The following LAMA4 variants were observed in gnomAD, a reference collection of about 807,000 sequenced individuals.
LAMA4 encodes laminin subunit alpha-4.
Under a neutral mutation model 207.1 loss-of-function variants are expected in LAMA4, and 127 were observed. That is an observed-to-expected ratio of 0.61 (90% CI 0.53 to 0.71). The LOEUF (loss-of-function observed/expected upper bound fraction) is 0.71, where lower values mean the gene tolerates loss of function less well. Among genes scored for constraint, LAMA4 ranks in the 30% least tolerant of loss-of-function variants. The pLI is 0.00. For missense variants in LAMA4, 2,093 were observed against 2,246.5 expected (o/e 0.93, Z 1.38); for synonymous variants, 761 against 816.0 (o/e 0.93, Z 1.15).
At chr6:112,120,572 G>T (rs1778294443) in intron 32 of LAMA4, 100 bp from the exon 33 acceptor site, 1 of 907,834 alleles carries the variant, frequency 1.1e-6, no homozygotes, top group South Asian at 1.4e-5. Context: ...TAAACAAGTA[G>T]CCATTCTATC....
intron 14 of LAMA4, 115 bp downstream of exon 14, chr6:112,158,617 C>T: frequency 3.7e-6 from 4 of 1,093,392 alleles, no homozygotes; most frequent in Non-Finnish European, 5.5e-6. Context: ...ATAAGCATAC[C>T]CAACCTTAAT....
chr6:112,181,328 G>A (rs940646322), intron 9 of LAMA4, among the ~76,000 whole-genome samples: 3 of 152,138 alleles, frequency 2.0e-5, no homozygotes, highest in African/African-American at 7.2e-5. Flanking sequence ...TCATTGTTCT[G>A]GGTAAATACC....
chr6:112,224,978 G>A (rs1164578966), intron 2 of LAMA4, among the ~76,000 whole-genome samples: 1 of 149,508 alleles, frequency 6.7e-6, no homozygotes, highest in African/African-American at 2.5e-5. Flanking sequence ...GGCAGGGGAC[G>A]GGGAAGGGGC....
intron 2 of LAMA4, among the ~76,000 whole-genome samples, chr6:112,238,915 C>T (rs1041678054): frequency 6.6e-6 from 1 of 152,148 alleles, no homozygotes; most frequent in African/African-American, 2.4e-5. Flanking sequence ...CATTTCACTT[C>T]GTAGGTGTGA....
intron 2 of LAMA4, among the ~76,000 whole-genome samples, chr6:112,246,931 A>G (rs782808471): frequency 1.3e-5 from 2 of 152,266 alleles, no homozygotes; most frequent in Non-Finnish European, 2.9e-5. Context: ...AAAAGACACA[A>G]TGATTATAAA....
chr6:112,202,058 C>T (rs1216415831), intron 4 of LAMA4, among the ~76,000 whole-genome samples: 3 of 151,926 alleles, frequency 2.0e-5, no homozygotes, highest in Non-Finnish European at 4.4e-5. Context: ...CCCTTTTTTT[C>T]TGCACTAGAA....
At chr6:112,180,361 C>G (rs1554345022) in intron 9 of LAMA4, among the ~76,000 whole-genome samples, 1 of 152,058 alleles carries the variant, frequency 6.6e-6, no homozygotes, top group African/African-American at 2.4e-5. Flanking sequence ...GGATCAGTGG[C>G]AAAGAGGAAC....
chr6:112,136,708 A>AAG (rs3073791), intron 24 of LAMA4, among the ~76,000 whole-genome samples: 1 of 150,170 alleles, frequency 6.7e-6, no homozygotes, highest in East Asian at 2.0e-4. Flanking sequence ...AAAAAAAAAA[A>AAG]GTGACAACTA....
intron 5 of LAMA4, among the ~76,000 whole-genome samples, chr6:112,196,024 AT>A (rs1259334639): frequency 2.0e-5 from 3 of 151,634 alleles, no homozygotes; most frequent in East Asian, 3.9e-4. Context: ...TTGGGCAAGG[AT>A]TTTTTTCCCT....
At chr6:112,190,760 A>G (rs1554348304) in intron 6 of LAMA4, among the ~76,000 whole-genome samples, 1 of 152,190 alleles carries the variant, frequency 6.6e-6, no homozygotes, top group African/African-American at 2.4e-5. Context: ...ATTAAATGGT[A>G]CCCTTGACTT....
intron 10 of LAMA4, 122 bp from the exon 11 acceptor site, chr6:112,175,602 T>A: frequency 1.0e-6 from 1 of 962,898 alleles, no homozygotes; most frequent in African/African-American, 1.6e-5. Context: ...GAGAGACTCA[T>A]TCAAAAGCAG....
At chr6:112,143,883 TG>T (rs1159661700) in intron 19 of LAMA4, among the ~76,000 whole-genome samples, 3 of 152,200 alleles carry the variant, frequency 2.0e-5, no homozygotes, top group Non-Finnish European at 4.4e-5. Context: ...AAATGTTCAC[TG>T]GGGCATCTAA....
At chr6:112,154,312 G>C (rs2114772710) in intron 16 of LAMA4, among the ~76,000 whole-genome samples, 1 of 142,788 alleles carries the variant, frequency 7.0e-6, no homozygotes, top group South Asian at 2.2e-4. Context: ...CCATATGCTT[G>C]TTAGGTCTGT....
rs1316252075 is a variant in LAMA4 at position 112,115,958 on chromosome 6, C to T, written c.5017G>A (p.Ala1673Thr). 2.5e-6 allele frequency: 4 copies of T among 1,613,308 alleles called. No individual in the cohort carries two copies. The highest frequency in any genetic ancestry group is 3.4e-6 in the Non-Finnish European group (4 of 1,179,396). ...CTGCTTCTGGGACGGACTTCAAATG[C>T]AATTTCAAACTTCAATCCAATATTG... ...SFNIGLKFEI[A>T]FEVRPRSSSG... Residue 1673 changes from alanine to threonine, a missense_variant, in exon 36 of 39, where the codon GCA becomes ACA. Transcript: ENST00000230538.
In LAMA4 at chr6:112,208,865, A is replaced by G. The variant is rs182158394; in HGVS notation, c.298-1720T>C. ...CAAAGTAGAATTTAGGGGCTAGTTC[A>G]GATTGCCTGACAGATCAATGAGAAA... is the stretch of plus-strand genomic sequence containing the variant. On this transcript the variant is annotated intron_variant, in intron 3 of 38. Coordinates refer to ENST00000230538, the MANE Select transcript of LAMA4 (RefSeq NM_001105206.3). Among the ~76,000 whole-genome samples the G allele has an allele frequency of 2.1e-3, 321 of 152,348 alleles. 1 individual carries two copies. The highest frequency in any genetic ancestry group is 3.7e-3 in the Non-Finnish European group (254 of 68,022).
At chr6:112,247,837 C>A (rs782405053) in intron 2 of LAMA4, among the ~76,000 whole-genome samples, 5 of 152,086 alleles carry the variant, frequency 3.3e-5, no homozygotes, top group Non-Finnish European at 4.4e-5. Flanking sequence ...AGAAACGACC[C>A]AAATGTCCAT....
At position 112,130,299 on chromosome 6, in the gene LAMA4, T is replaced by TG. The variant is rs60267503; in HGVS notation, c.3969-260_3969-259insC. Reference sequence around the variant, plus strand: ...CAGATGACTAGTCATCAGCATTATTTTTGTGTGTGTGTGTGTGTGTGTGTG... The same window carrying TG: ...CAGATGACTAGTCATCAGCATTATTTGTTGTGTGTGTGTGTGTGTGTGTGTG... On this transcript the variant is annotated intron_variant, in intron 29 of 38. Transcript: ENST00000230538. 12,317 of 507,184 alleles carry TG rather than the reference T, an allele frequency of 0.024. 864 individuals are homozygous for TG. The highest frequency in any genetic ancestry group is 0.19 in the African/African-American group (9,009 of 48,624). 31.4% of individuals were successfully genotyped at this position (507,184 alleles called of 1,614,324 possible). A position where few individuals can be genotyped will look rare whatever the true frequency, so the allele number is the denominator to read the frequency against.
chr6:112,111,078 T>C (rs1777664420), intron 38 of LAMA4, among the ~76,000 whole-genome samples: 1 of 152,206 alleles, frequency 6.6e-6, no homozygotes, highest in Non-Finnish European at 1.5e-5. Context: ...TCTCACTTTG[T>C]GGCCCAGGCT....
At chr6:112,208,777 T>C (rs571638200) in intron 3 of LAMA4, among the ~76,000 whole-genome samples, 1 of 152,344 alleles carries the variant, frequency 6.6e-6, no homozygotes, top group East Asian at 1.9e-4. Context: ...TTGAATGTTC[T>C]TCAGGCATTT....
Sources: gnomAD v4.1 joint callset for allele counts (sites outside exome capture counted in the v4.1 genomes callset) on GRCh38, gnomAD v4.1.1 for gene constraint, MANE v1.5 for transcripts, NCBI Gene and HGNC (gene_info 2026-07-23, HGNC 2026-07-21) for gene names.